FOXK2: variants seen among roughly 807,000 people sequenced by gnomAD.
FOXK2 encodes the protein forkhead box K2, also known as forkhead box protein K2.
FOXK2 carries 24 observed loss-of-function variants against 53.3 expected under a neutral mutation model. The ratio of observed to expected loss-of-function variants is 0.45; its 90% CI spans 0.33 to 0.63. The LOEUF (loss-of-function observed/expected upper bound fraction) is 0.63. FOXK2 is among the 30% of genes least tolerant of loss of function. The pLI, the probability that FOXK2 is intolerant of heterozygous loss-of-function variation, is 0.03. For synonymous variants in FOXK2, 505 were observed against 407.1 expected (o/e 1.24, Z -2.89); for missense variants, 952 against 910.5 (o/e 1.05, Z -0.59).
At chr17:82,591,377 C>G (rs1429173988) in intron 8 of FOXK2, among the ~76,000 whole-genome samples, 4 of 152,134 alleles carry the variant, frequency 2.6e-5, no homozygotes, top group Non-Finnish European at 5.9e-5. Flanking sequence ...CACACCCTGC[C>G]CACCTGCCAA....
At chr17:82,583,878 G>A (rs2045098464) in intron 5 of FOXK2, 135 bp from the exon 6 acceptor site, 6 of 895,088 alleles carry the variant, frequency 6.7e-6, no homozygotes, top group East Asian at 2.7e-5. Context: ...GTGCAGAGAC[G>A]TAGAACTTAC....
At chr17:82,537,385 C>A (rs3068964) in intron 1 of FOXK2, among the ~76,000 whole-genome samples, 7,299 of 151,828 alleles carry the variant, frequency 0.048, 197 homozygotes, top group African/African-American at 0.07. Flanking sequence ...CGGTGGCTCA[C>A]GCCTGAAATC....
intron 1 of FOXK2, among the ~76,000 whole-genome samples, chr17:82,540,008 C>T (rs905329636): frequency 4.7e-4 from 65 of 136,864 alleles, no homozygotes; most frequent in Admixed American, 1.6e-3. Flanking sequence ...TTGTTGGACG[C>T]GGTGGCTCAC....
At position 82,571,839 on chromosome 17, in the gene FOXK2, C is replaced by T; in HGVS notation, c.878C>T (p.Pro293Leu). 6.3e-7 allele frequency: 1 copy of T among 1,596,728 alleles called. No individual in the cohort carries two copies. Among genetic ancestry groups the T allele is most frequent in the South Asian group, 1.1e-5 (1 of 88,198 alleles). Residue 293 changes from proline (P) to leucine (L), a missense_variant, in exon 4 of 9, where the codon CCC (proline) becomes CTC (leucine). Physicochemically the swap from Pro to Leu is moderately conservative, Grantham distance 98. Around this residue, in one of 5 missense-constraint regions of FOXK2, gnomAD observed 160 missense variants for 214.2 expected, o/e 0.75. Transcript: ENST00000335255. The stretch of plus-strand genomic sequence containing the variant: ...TATACACACATCACTAAAAATTATC[C>T]CTACTACAGGACTGCGGACAAGGGC... Reference protein sequence around the residue: ...GIYTHITKNYPYYRTADKGWQ... With the variant: ...GIYTHITKNYLYYRTADKGWQ...
At chr17:82,521,089 C>T (rs983018455) in intron 1 of FOXK2, among the ~76,000 whole-genome samples, 1 of 152,192 alleles carries the variant, frequency 6.6e-6, no homozygotes, top group Non-Finnish European at 1.5e-5. Flanking sequence ...CACAAACTTG[C>T]TGTCTAGGAA....
intron 1 of FOXK2, among the ~76,000 whole-genome samples, chr17:82,547,832 C>G (rs983704007): frequency 6.6e-6 from 1 of 152,152 alleles, no homozygotes; most frequent in African/African-American, 2.4e-5. Context: ...CCTCCCCTCC[C>G]GTAGAAGTGT....
intron 1 of FOXK2, among the ~76,000 whole-genome samples, chr17:82,561,915 G>T (rs972108889): frequency 3.3e-4 from 50 of 151,652 alleles, no homozygotes; most frequent in Admixed American, 8.5e-4. Context: ...TGGGGGGGGG[G>T]GGTGCCCGCA....
chr17:82,568,133 C>G lies in FOXK2; in HGVS notation c.694C>G (p.Leu232Val), dbSNP rs1175574658. 1 of 1,613,900 alleles carries G rather than the reference C, an allele frequency of 6.2e-7. No homozygotes were observed. Among genetic ancestry groups the G allele is most frequent in the African/African-American group, 1.3e-5 (1 of 75,028 alleles). ...YKVGRVMPSD[L>V]NLMADNSQPE... is the part of the protein sequence containing the mutation. Reference sequence around the variant, plus strand: ...GGTGGGCCGAGTGATGCCATCTGACCTCAATTTAATGGCTGACAACTCACA... The same window carrying G: ...GGTGGGCCGAGTGATGCCATCTGACGTCAATTTAATGGCTGACAACTCACA... Residue 232 changes from leucine to valine, a missense_variant, in exon 3 of 9, where the codon CTC becomes GTC. Transcript: ENST00000335255.
chr17:82,556,490 G>T (rs2044726112), intron 1 of FOXK2, among the ~76,000 whole-genome samples: 1 of 149,762 alleles, frequency 6.7e-6, no homozygotes, highest in Non-Finnish European at 1.5e-5. Flanking sequence ...GCTTTTAAAT[G>T]TATTCCATGG....
Position 82,587,124 on chromosome 17 carries a change from T to C in FOXK2, c.1638T>C (p.Ile546=), listed in dbSNP as rs760964689. The C allele has an allele frequency of 6.2e-7, 1 of 1,612,958 alleles. No homozygotes were observed. The highest frequency in any genetic ancestry group is 2.2e-5 in the East Asian group (1 of 44,900). Residue 546 remains isoleucine, a synonymous_variant, in exon 8 of 9, where the codon ATT becomes ATC. Transcript: ENST00000335255. ...CGCTCGGCACTGCCAGCCGGATCAT[T>C]CAGACGGCACAGACCACCCCGGTCC... is the stretch of plus-strand genomic sequence containing the variant. ...HATLGTASRI[I]QTAQTTPVQT... is the part of the protein sequence containing the mutation.
At chr17:82,593,942 CG>C (rs1249265179) in intron 8 of FOXK2, 2 of 152,352 alleles carry the variant, frequency 1.3e-5, no homozygotes, top group Non-Finnish European at 2.9e-5. Flanking sequence ...GATCAGGCCA[CG>C]CGGACGAGGA....
intron 1 of FOXK2, among the ~76,000 whole-genome samples, chr17:82,527,737 C>G (rs1452491125): frequency 6.6e-6 from 1 of 152,220 alleles, no homozygotes; most frequent in East Asian, 1.9e-4. Context: ...AAGTTAAAAA[C>G]CCAGTAACCA....
At chr17:82,562,128 A>AT (rs1296075848) in intron 1 of FOXK2, among the ~76,000 whole-genome samples, 3 of 152,216 alleles carry the variant, frequency 2.0e-5, no homozygotes, top group Non-Finnish European at 1.5e-5. Context: ...TTTGGCTTGC[A>AT]TGACCTTTGT....
intron 4 of FOXK2, among the ~76,000 whole-genome samples, chr17:82,573,950 T>C (rs4239021): frequency 0.44 from 67,181 of 152,082 alleles, 15,002 homozygotes; most frequent in South Asian, 0.56. Context: ...TCAGGACAGG[T>C]CTTTTGGGGA....
intron 8 of FOXK2, among the ~76,000 whole-genome samples, chr17:82,592,040 A>T (rs548889046): frequency 5.3e-5 from 8 of 152,314 alleles, no homozygotes; most frequent in Non-Finnish European, 1.0e-4. Context: ...AGTAGCTGGG[A>T]CTACAGGTGT....
chr17:82,526,596 C>T (rs893456910), intron 1 of FOXK2, among the ~76,000 whole-genome samples: 14 of 151,586 alleles, frequency 9.2e-5, no homozygotes, highest in African/African-American at 2.9e-4. Flanking sequence ...TTTGGGAGGC[C>T]GAGGCAGGTG....
At chr17:82,588,620 G>A (rs953516409) in intron 8 of FOXK2, among the ~76,000 whole-genome samples, 5 of 152,190 alleles carry the variant, frequency 3.3e-5, no homozygotes, top group Non-Finnish European at 7.3e-5. Flanking sequence ...CCAGAGTGCT[G>A]CGTTCCCCAG....
intron 1 of FOXK2, among the ~76,000 whole-genome samples, chr17:82,535,935 TTTCTCCATG>T: frequency 6.6e-6 from 1 of 152,024 alleles, no homozygotes; most frequent in Admixed American, 6.6e-5. Context: ...GGAGATGGGG[TTTCTCCATG>T]TTGGTCAGGC....
chr17:82,586,943 T>G, intron 7 of FOXK2, 120 bp from the exon 8 acceptor site: 4 of 904,150 alleles, frequency 4.4e-6, no homozygotes, highest in Non-Finnish European at 6.9e-6. Context: ...TAATTTGCTG[T>G]TTGTTTTAGA....
Sources: allele counts gnomAD v4.1 joint callset (sites outside exome capture counted in the v4.1 genomes callset), GRCh38; gene constraint gnomAD v4.1.1; regional missense constraint gnomAD v4.1.1; transcripts MANE v1.5; gene names NCBI Gene and HGNC (gene_info 2026-07-23, HGNC 2026-07-21).